CHST8: variants seen among roughly 807,000 people sequenced by gnomAD.
CHST8 encodes the protein carbohydrate sulfotransferase 8, also known as GALNAC-4-ST1.
CHST8 carries 10 observed loss-of-function variants against 15.0 expected under a neutral mutation model. The ratio of observed to expected loss-of-function variants is 0.67; its 90% CI spans 0.41 to 1.13. The LOEUF (loss-of-function observed/expected upper bound fraction) is 1.13, where lower values mean the gene tolerates loss of function less well. Among genes scored for constraint, CHST8 ranks in the 50% most tolerant of loss-of-function variants. The pLI is 0.00. For missense variants in CHST8, 634 were observed against 608.2 expected (o/e 1.04, Z -0.45); for synonymous variants, 259 against 256.6 (o/e 1.01, Z -0.09).
At chr19:33,677,405 G>T (rs1972824441) in intron 2 of CHST8, among the ~76,000 whole-genome samples, 1 of 152,208 alleles carries the variant, frequency 6.6e-6, no homozygotes, top group South Asian at 2.1e-4. Flanking sequence ...CTTAGGGAAA[G>T]AAACCAGAGA....
intron 1 of CHST8, among the ~76,000 whole-genome samples, chr19:33,642,523 C>T (rs763887102): frequency 2.4e-4 from 36 of 152,130 alleles, no homozygotes; most frequent in South Asian, 1.2e-3. Flanking sequence ...CCACCACACT[C>T]GGCTGAGTTT....
intron 1 of CHST8, among the ~76,000 whole-genome samples, chr19:33,640,811 G>A (rs1285208367): frequency 6.6e-6 from 1 of 152,106 alleles, no homozygotes; most frequent in Non-Finnish European, 1.5e-5. Flanking sequence ...GGTGCTCCAC[G>A]ACGCCTCCCT....
At chr19:33,753,269 C>G (rs1974455739) in intron 3 of CHST8, among the ~76,000 whole-genome samples, 1 of 152,000 alleles carries the variant, frequency 6.6e-6, no homozygotes, top group Non-Finnish European at 1.5e-5. Context: ...CTCCAGCACC[C>G]CTTTCCAGCC....
At chr19:33,734,700 GTGGGGTC>G (rs941474124) in intron 3 of CHST8, among the ~76,000 whole-genome samples, 5 of 152,164 alleles carry the variant, frequency 3.3e-5, no homozygotes, top group African/African-American at 1.2e-4. Flanking sequence ...GGCATCACGA[GTGGGGTC>G]TGTTGGGAGT....
chr19:33,659,058 A>T (rs11671120), intron 1 of CHST8, among the ~76,000 whole-genome samples: 9,854 of 87,782 alleles, frequency 0.11, 539 homozygotes, highest in Non-Finnish European at 0.15. Context: ...TTAGGTAATG[A>T]CTTTTTTTTT....
At position 33,637,437 on chromosome 19, in the gene CHST8, C is replaced by T. The variant is rs112304971; in HGVS notation, c.-164+15141C>T. On this transcript the variant is annotated intron_variant, in intron 1 of 4. Transcript: ENST00000650847. ...TTTTTTTTTGAGACGGAGTCTCGCT[C>T]TGTCACCCAGGCTGGAGTGCAGTGG... Among the ~76,000 whole-genome samples, 323 of 147,590 alleles carry T rather than the reference C, an allele frequency of 2.2e-3. 3 individuals are homozygous for T. Among genetic ancestry groups the T allele is most frequent in the African/African-American group, 7.8e-3 (310 of 39,702 alleles).
intron 2 of CHST8, among the ~76,000 whole-genome samples, chr19:33,683,828 G>A (rs528114092): frequency 2.0e-5 from 3 of 152,336 alleles, no homozygotes; most frequent in East Asian, 1.9e-4. Context: ...CTGTCACCGC[G>A]ATGGTGCTCT....
intron 1 of CHST8, among the ~76,000 whole-genome samples, chr19:33,633,854 A>T (rs1972156989): frequency 2.0e-5 from 3 of 149,922 alleles, no homozygotes; most frequent in Admixed American, 1.3e-4. Context: ...GTTGTAGGGT[A>T]GTGACGTGAT....
intron 3 of CHST8, among the ~76,000 whole-genome samples, chr19:33,768,981 C>T (rs1338295960): frequency 6.6e-6 from 1 of 152,248 alleles, no homozygotes; most frequent in Admixed American, 6.5e-5. Context: ...GAGACTCGCC[C>T]AGCCCCAGGC....
rs530115257 is a variant in CHST8 at position 33,723,169 on chromosome 19, T to C, written c.130+33778T>C. On this transcript the variant is annotated intron_variant, in intron 3 of 4. Coordinates refer to ENST00000650847, the MANE Select transcript of CHST8 (RefSeq NM_001127895.2). ...TGAGCAAATGTGTCTGTGGGTGGGATTGGATCTTTGTGTGTGCGTGCATGC... is the reference window on the plus strand; with the variant it reads ...TGAGCAAATGTGTCTGTGGGTGGGACTGGATCTTTGTGTGTGCGTGCATGC... Among the ~76,000 whole-genome samples the C allele has an allele frequency of 8.9e-4, 135 of 152,302 alleles. 1 individual carries two copies. The highest frequency in any genetic ancestry group is 2.9e-3 in the African/African-American group (121 of 41,566).
In CHST8 at chr19:33,772,717, A is replaced by G; in HGVS notation, c.929A>G (p.Glu310Gly). The G allele has an allele frequency of 6.2e-7, 1 of 1,613,284 alleles. No homozygotes were observed. Among genetic ancestry groups the G allele is most frequent in the Non-Finnish European group, 8.5e-7 (1 of 1,179,938 alleles). Residue 310 changes from glutamate to glycine, a missense_variant, in exon 5 of 5, where the codon GAG becomes GGG. Glu to Gly is a moderately conservative substitution (Grantham distance 98, BLOSUM62 -2). Coordinates refer to ENST00000650847, the MANE Select transcript of CHST8 (RefSeq NM_001127895.2). ...LRTGSGVRFP[E>G]FVQYLLDVHR... ...ACCGGCTCTGGGGTGCGTTTTCCCGAGTTCGTCCAGTACCTGCTGGACGTG... is the reference window on the plus strand; with the variant it reads ...ACCGGCTCTGGGGTGCGTTTTCCCGGGTTCGTCCAGTACCTGCTGGACGTG...
At chr19:33,750,888 G>A (rs866822003) in intron 3 of CHST8, among the ~76,000 whole-genome samples, 1 of 151,792 alleles carries the variant, frequency 6.6e-6, no homozygotes, top group Non-Finnish European at 1.5e-5. Flanking sequence ...TCAGCAGCAG[G>A]CAGATGCACC....
chr19:33,695,781 GTA>G (rs1555716670), intron 3 of CHST8, among the ~76,000 whole-genome samples: 2 of 138,218 alleles, frequency 1.4e-5, no homozygotes, highest in Non-Finnish European at 3.2e-5. Context: ...ATTCCATGGT[GTA>G]TATATACCAC....
chr19:33,631,122 G>T (rs1048687137), intron 1 of CHST8, among the ~76,000 whole-genome samples: 4 of 152,256 alleles, frequency 2.6e-5, no homozygotes, highest in Admixed American at 6.5e-5. Flanking sequence ...GTCTATGCTG[G>T]TTGGGCTCAG....
At chr19:33,749,322 C>T (rs1281904515) in intron 3 of CHST8, among the ~76,000 whole-genome samples, 3 of 152,106 alleles carry the variant, frequency 2.0e-5, no homozygotes, top group African/African-American at 7.2e-5. Context: ...TATATCACAG[C>T]TTCATCAGTG....
At chr19:33,761,528 G>A (rs764703507) in intron 3 of CHST8, among the ~76,000 whole-genome samples, 1 of 151,900 alleles carries the variant, frequency 6.6e-6, no homozygotes, top group Non-Finnish European at 1.5e-5. Flanking sequence ...ATGGGATTTC[G>A]TCATGTTGGC....
At chr19:33,645,459 A>G (rs1972341087) in intron 1 of CHST8, among the ~76,000 whole-genome samples, 1 of 152,198 alleles carries the variant, frequency 6.6e-6, no homozygotes, top group Admixed American at 6.5e-5. Context: ...AGTGGACGTG[A>G]GCAGATGGGT....
At chr19:33,722,722 C>CGTAACT in intron 3 of CHST8, among the ~76,000 whole-genome samples, 1 of 152,230 alleles carries the variant, frequency 6.6e-6, no homozygotes, top group Non-Finnish European at 1.5e-5. Flanking sequence ...CCACCCCGAG[C>CGTAACT]GTAACTCCCA....
intron 1 of CHST8, among the ~76,000 whole-genome samples, chr19:33,657,790 CAA>C (rs1972531449): frequency 1.3e-5 from 2 of 152,166 alleles, no homozygotes; most frequent in African/African-American, 4.8e-5. Flanking sequence ...AGGCTGGTCT[CAA>C]ACTCCTGGGC....
Sources: gnomAD v4.1 joint callset for allele counts (sites outside exome capture counted in the v4.1 genomes callset) on GRCh38, gnomAD v4.1.1 for gene constraint, MANE v1.5 for transcripts, NCBI Gene and HGNC (gene_info 2026-07-23, HGNC 2026-07-21) for gene names.